Variants in CLNK observed in about 807,000 individuals in gnomAD.
CLNK encodes the protein cytokine-dependent hematopoietic cell linker.
In CLNK, 74 loss-of-function variants were observed where a neutral mutation model predicts 68.6. The observed-to-expected ratio is 1.08, with a 90% CI of 0.89 to 1.31. The LOEUF (loss-of-function observed/expected upper bound fraction) is 1.31, where lower values mean the gene tolerates loss of function less well. Ranked by LOEUF, CLNK falls within the 50% of genes most tolerant of loss-of-function variation. CLNK has a pLI of 0.00. For missense variants in CLNK, 553 were observed against 515.3 expected (o/e 1.07, Z -0.71); for synonymous variants, 198 against 172.2 (o/e 1.15, Z -1.17).
the CLNK span, among the ~76,000 whole-genome samples, chr4:10,710,388 A>G: frequency 6.6e-6 from 1 of 152,218 alleles, no homozygotes. Flanking sequence ...AAAAAAGTGG[A>G]CTAAGTAAAC....
intron 18 of CLNK, among the ~76,000 whole-genome samples, chr4:10,499,350 GCTTTGCTAAGAATC>G (rs1331963558): frequency 6.6e-6 from 1 of 152,064 alleles, no homozygotes; most frequent in Non-Finnish European, 1.5e-5. Flanking sequence ...AACTAAAATT[GCTTTGCTAAGAATC>G]CTTTGTTCGA....
chr4:10,654,918 C>A (rs1723904284), intron 2 of CLNK, among the ~76,000 whole-genome samples: 1 of 151,880 alleles, frequency 6.6e-6, no homozygotes, highest in Admixed American at 6.6e-5. Flanking sequence ...CTGGCTAACA[C>A]AGGTGAAATC....
chr4:10,733,180 G>A, the CLNK span, among the ~76,000 whole-genome samples: 1 of 152,006 alleles, frequency 6.6e-6, no homozygotes. Context: ...TGTCTTGGGG[G>A]TGCCTCTGCC....
chr4:10,589,493 C>T (rs368635599), intron 3 of CLNK, among the ~76,000 whole-genome samples: 10 of 152,092 alleles, frequency 6.6e-5, no homozygotes, highest in East Asian at 5.8e-4. Context: ...TGGGGCTCTC[C>T]GTGCGTCAAT....
At position 10,508,045 on chromosome 4, in the gene CLNK, C is replaced by A. The variant is rs1397419742; in HGVS notation, c.907-9G>T. 1 of 1,599,002 alleles carries A rather than the reference C, an allele frequency of 6.3e-7. No homozygotes were observed. The highest frequency in any genetic ancestry group is 1.1e-5 in the South Asian group (1 of 88,172). On this transcript the variant is annotated splice_polypyrimidine_tract_variant and intron_variant, in intron 16 of 18. Coordinates refer to ENST00000226951, the MANE Select transcript of CLNK (RefSeq NM_052964.4). ...TCATTGTGCTGGACATCCTGCAGAA[C>A]AGAATCAATGATAAATATTTTAGGG...
At chr4:10,659,128 C>T (rs1328974076) in intron 2 of CLNK, among the ~76,000 whole-genome samples, 2 of 152,060 alleles carry the variant, frequency 1.3e-5, no homozygotes, top group African/African-American at 2.4e-5. Context: ...TTCTTGAACC[C>T]GGGAGAAGGT....
intron 2 of CLNK, among the ~76,000 whole-genome samples, chr4:10,622,364 G>T (rs1193263296): frequency 2.0e-5 from 3 of 152,174 alleles, no homozygotes; most frequent in African/African-American, 4.8e-5. Flanking sequence ...ATGTCACTTT[G>T]TTTATTCTTG....
chr4:10,531,068 A>G (rs1718517233), intron 12 of CLNK, among the ~76,000 whole-genome samples: 1 of 152,268 alleles, frequency 6.6e-6, no homozygotes, highest in Non-Finnish European at 1.5e-5. Flanking sequence ...TAAAACCAAC[A>G]AATGAAAAAG....
At chr4:10,527,757 CT>C (rs554642078) in intron 13 of CLNK, among the ~76,000 whole-genome samples, 299 of 152,228 alleles carry the variant, frequency 2.0e-3, no homozygotes, top group African/African-American at 6.9e-3. Flanking sequence ...ATCCCAAGAG[CT>C]TTTTTGGAGC....
chr4:10,550,875 C>T (rs764764455), intron 8 of CLNK, among the ~76,000 whole-genome samples: 2 of 152,166 alleles, frequency 1.3e-5, no homozygotes, highest in African/African-American at 4.8e-5. Context: ...ACTGCTCTTG[C>T]GCTTTTGGAC....
At chr4:10,610,365 ATCT>A (rs765414044) in intron 2 of CLNK, among the ~76,000 whole-genome samples, 5 of 150,012 alleles carry the variant, frequency 3.3e-5, no homozygotes, top group Non-Finnish European at 7.4e-5. Flanking sequence ...TTTCTTTTTA[ATCT>A]TCTTGGGGAG....
intron 2 of CLNK, among the ~76,000 whole-genome samples, chr4:10,651,287 T>C (rs889271302): frequency 1.9e-4 from 29 of 152,278 alleles, no homozygotes; most frequent in Admixed American, 9.2e-4. Flanking sequence ...ACCAAAGACT[T>C]GGAACCAACC....
chr4:10,673,550 C>T (rs1041879741), intron 1 of CLNK, among the ~76,000 whole-genome samples: 4 of 151,972 alleles, frequency 2.6e-5, no homozygotes, highest in African/African-American at 9.7e-5. Context: ...CCATCATTCT[C>T]AGCAAACTAT....
intron 15 of CLNK, among the ~76,000 whole-genome samples, chr4:10,519,588 T>C (rs1289462398): frequency 6.6e-6 from 1 of 152,180 alleles, no homozygotes; most frequent in East Asian, 1.9e-4. Flanking sequence ...GAATCTTCTG[T>C]TGGGAAACGC....
chr4:10,616,320 A>T (rs1348527056), intron 2 of CLNK, among the ~76,000 whole-genome samples: 1 of 152,232 alleles, frequency 6.6e-6, no homozygotes, highest in Admixed American at 6.5e-5. Context: ...CTTTGTGGAC[A>T]CATTAGACTT....
intron 1 of CLNK, among the ~76,000 whole-genome samples, chr4:10,682,161 C>T (rs1160964080): frequency 6.7e-6 from 1 of 150,146 alleles, no homozygotes; most frequent in Non-Finnish European, 1.5e-5. Context: ...GTGATTTTTT[C>T]GTTATTGCTG....
At chr4:10,517,325 C>G (rs938415399) in intron 15 of CLNK, 1 of 151,908 alleles carries the variant, frequency 6.6e-6, no homozygotes. Flanking sequence ...AAATAGGAGG[C>G]ACAACATAAT....
intron 3 of CLNK, among the ~76,000 whole-genome samples, chr4:10,587,745 C>T (rs1351943119): frequency 2.0e-5 from 3 of 152,180 alleles, no homozygotes; most frequent in Non-Finnish European, 2.9e-5. Flanking sequence ...GAGGGCTCTA[C>T]AACTTGCCCA....
intron 2 of CLNK, among the ~76,000 whole-genome samples, chr4:10,646,854 C>T (rs1356761406): frequency 1.3e-5 from 2 of 152,210 alleles, no homozygotes; most frequent in Non-Finnish European, 2.9e-5. Context: ...TGTGAACAAA[C>T]TGTGCATGAT....
Sources: gnomAD v4.1 joint callset for allele counts (sites outside exome capture counted in the v4.1 genomes callset) on GRCh38, gnomAD v4.1.1 for gene constraint, MANE v1.5 for transcripts, NCBI Gene and HGNC (gene_info 2026-07-23, HGNC 2026-07-21) for gene names.